CPNE4: variants seen among roughly 807,000 people sequenced by gnomAD.
CPNE4 encodes copine-4.
A neutral mutation model predicts 67.9 loss-of-function variants in CPNE4; 25 were observed. That is an observed-to-expected ratio of 0.37 (90% CI 0.27 to 0.51). The LOEUF (loss-of-function observed/expected upper bound fraction) is 0.51, where lower values mean the gene tolerates loss of function less well. Ranked by LOEUF, CPNE4 falls within the 20% of genes least tolerant of loss-of-function variation. The pLI is 0.93. For synonymous variants in CPNE4, 242 were observed against 244.9 expected (o/e 0.99, Z 0.11); for missense variants, 464 against 690.8 (o/e 0.67, Z 3.68).
intron 7 of CPNE4, among the ~76,000 whole-genome samples, chr3:131,604,706 C>G (rs150058834): frequency 6.6e-6 from 1 of 152,182 alleles, no homozygotes; most frequent in Non-Finnish European, 1.5e-5. Flanking sequence ...GCTCCTCAGC[C>G]TGCAGATGGC....
At chr3:131,909,228 C>T (rs549627890) in intron 1 of CPNE4, among the ~76,000 whole-genome samples, 1 of 152,184 alleles carries the variant, frequency 6.6e-6, no homozygotes, top group Non-Finnish European at 1.5e-5. Flanking sequence ...ATGGTGACAG[C>T]TCTTCTAATA....
chr3:131,842,339 C>T (rs1024050652), intron 2 of CPNE4, among the ~76,000 whole-genome samples: 1 of 152,146 alleles, frequency 6.6e-6, no homozygotes, highest in Non-Finnish European at 1.5e-5. Flanking sequence ...CCACTAATGA[C>T]CAACTGGATC....
At chr3:131,620,179 G>A (rs1432786889) in intron 7 of CPNE4, among the ~76,000 whole-genome samples, 2 of 152,094 alleles carry the variant, frequency 1.3e-5, no homozygotes, top group Non-Finnish European at 2.9e-5. Context: ...ACACTCATAG[G>A]TAAAAAGAAA....
intron 2 of CPNE4, among the ~76,000 whole-genome samples, chr3:131,795,025 T>C (rs2107893942): frequency 6.6e-6 from 1 of 152,334 alleles, no homozygotes; most frequent in African/African-American, 2.4e-5. Context: ...ACTACTATTT[T>C]GGTTAGTTGT....
intron 2 of CPNE4, among the ~76,000 whole-genome samples, chr3:131,762,496 C>G (rs2082913494): frequency 6.6e-6 from 1 of 151,974 alleles, no homozygotes; most frequent in Admixed American, 6.6e-5. Flanking sequence ...CATTGATTCT[C>G]TCAATATCTA....
chr3:131,970,555 G>GT (rs901309057), intron 1 of CPNE4, among the ~76,000 whole-genome samples: 3 of 152,078 alleles, frequency 2.0e-5, no homozygotes, highest in Non-Finnish European at 2.9e-5. Flanking sequence ...AATTTATATA[G>GT]TTTTTTTAAA....
intron 2 of CPNE4, among the ~76,000 whole-genome samples, chr3:131,825,439 AGCTGATATCATGCC>A (rs1427806370): frequency 6.6e-6 from 1 of 151,286 alleles, no homozygotes; most frequent in African/African-American, 2.4e-5. Context: ...GGTTGCAGTG[AGCTGATATCATGCC>A]GCTGCACACT....
intron 2 of CPNE4, among the ~76,000 whole-genome samples, chr3:131,809,468 G>A (rs904238774): frequency 4.6e-5 from 7 of 152,094 alleles, no homozygotes; most frequent in Non-Finnish European, 7.4e-5. Context: ...CACTGAATTT[G>A]CAGTAATTTG....
At chr3:131,661,683 G>A (rs2080129637) in intron 7 of CPNE4, among the ~76,000 whole-genome samples, 1 of 152,130 alleles carries the variant, frequency 6.6e-6, no homozygotes, top group Admixed American at 6.5e-5. Flanking sequence ...CTTGAGTCCA[G>A]AAGGCCATAA....
At chr3:131,825,401 G>A (rs1348002494) in intron 2 of CPNE4, among the ~76,000 whole-genome samples, 3 of 151,904 alleles carry the variant, frequency 2.0e-5, no homozygotes, top group Admixed American at 1.3e-4. Context: ...GGCTGAGGCA[G>A]GGGAATCACT....
At chr3:131,641,132 A>G (rs1170418440) in intron 7 of CPNE4, among the ~76,000 whole-genome samples, 3 of 152,200 alleles carry the variant, frequency 2.0e-5, no homozygotes, top group Non-Finnish European at 1.5e-5. Context: ...CCAAGAACCC[A>G]AGAGCAAATG....
At chr3:131,657,497 C>T (rs1027248293) in intron 7 of CPNE4, among the ~76,000 whole-genome samples, 1 of 150,606 alleles carries the variant, frequency 6.6e-6, no homozygotes, top group Non-Finnish European at 1.5e-5. Context: ...CAGAGATCAG[C>T]TTTAATGAGT....
rs184581248 is a variant in CPNE4, at chr3:131,771,238, T to C, written c.181-47613A>G. Among the ~76,000 whole-genome samples, 178 of 152,312 alleles carry C rather than the reference T, an allele frequency of 1.2e-3. 1 individual carries two copies. In the Middle Eastern group the frequency reaches 0.024, roughly 20 times the overall value. ...TCTTTAAAATTTTATTTTGTTTCTA[T>C]TTGTTTTAGATGGAGTCTCGCTTTG... On this transcript the variant is annotated intron_variant, in intron 2 of 15. Coordinates refer to ENST00000429747, the MANE Select transcript of CPNE4 (RefSeq NM_130808.3).
At chr3:131,794,988 C>T (rs2083880348) in intron 2 of CPNE4, among the ~76,000 whole-genome samples, 1 of 152,214 alleles carries the variant, frequency 6.6e-6, no homozygotes, top group South Asian at 2.1e-4. Context: ...GCAACACTGC[C>T]ATCTGTCGTG....
intron 4 of CPNE4, among the ~76,000 whole-genome samples, chr3:131,698,935 T>G: frequency 7.1e-6 from 1 of 140,226 alleles, no homozygotes; most frequent in African/African-American, 2.6e-5. Context: ...AAAAAAAAAT[T>G]GGTTTCTCTC....
At chr3:131,906,997 A>G (rs2088795850) in intron 1 of CPNE4, among the ~76,000 whole-genome samples, 1 of 152,080 alleles carries the variant, frequency 6.6e-6, no homozygotes, top group African/African-American at 2.4e-5. Context: ...AATGAACTCA[A>G]ACAAATTTAC....
chr3:131,926,500 G>A (rs1330071770), intron 1 of CPNE4, among the ~76,000 whole-genome samples: 2 of 152,064 alleles, frequency 1.3e-5, no homozygotes, highest in Admixed American at 1.3e-4. Context: ...GGAGGATATA[G>A]GAGAATAAAA....
intron 7 of CPNE4, 146 bp from the exon 8 acceptor site, chr3:131,587,728 A>T (rs2107701851): frequency 3.2e-6 from 2 of 628,002 alleles, no homozygotes; most frequent in Non-Finnish European, 5.6e-6. Context: ...AGCATATGGG[A>T]TGTAATTCTG....
intron 7 of CPNE4, among the ~76,000 whole-genome samples, chr3:131,619,080 G>A (rs893634373): frequency 3.3e-5 from 5 of 152,144 alleles, no homozygotes; most frequent in African/African-American, 1.2e-4. Flanking sequence ...TTGCAAGGGA[G>A]CAATTGTTGG....
Sources: gnomAD v4.1 joint callset for allele counts (sites outside exome capture counted in the v4.1 genomes callset) on GRCh38, gnomAD v4.1.1 for gene constraint, MANE v1.5 for transcripts, NCBI Gene and HGNC (gene_info 2026-07-23, HGNC 2026-07-21) for gene names.